Variants in PCMTD2 observed in about 807,000 individuals in gnomAD.
PCMTD2 encodes protein-L-isoaspartate (D-aspartate) O-methyltransferase domain containing 2, also known as protein-L-isoaspartate O-methyltransferase domain-containing protein 2.
PCMTD2 carries 16 observed loss-of-function variants against 33.4 expected under a neutral mutation model. The ratio of observed to expected loss-of-function variants is 0.48; its 90% CI spans 0.32 to 0.73. The LOEUF (loss-of-function observed/expected upper bound fraction) is 0.73. PCMTD2 is among the 30% of genes least tolerant of loss of function. PCMTD2 has a pLI of 0.03. For synonymous variants in PCMTD2, 161 were observed against 160.8 expected (o/e 1.00, Z -0.01); for missense variants, 374 against 449.9 (o/e 0.83, Z 1.53).
At chr20:64,273,146 G>A (rs1985973740) in intron 5 of PCMTD2, 75 bp from the exon 6 acceptor site, 9 of 1,219,664 alleles carry the variant, frequency 7.4e-6, no homozygotes, top group Admixed American at 4.7e-5. Flanking sequence ...ATGATGCTAC[G>A]GGTCTTAGGT....
At chr20:64,270,020 G>A (rs112442708) in intron 5 of PCMTD2, among the ~76,000 whole-genome samples, 4,303 of 139,240 alleles carry the variant, frequency 0.031, 99 homozygotes, top group Middle Eastern at 0.05. Context: ...AAGTTCAGGC[G>A]TGCACGGTAT....
chr20:64,272,608 T>C (rs892506535), intron 5 of PCMTD2, among the ~76,000 whole-genome samples: 2 of 152,190 alleles, frequency 1.3e-5, no homozygotes, highest in African/African-American at 4.8e-5. Context: ...CACTTGATGT[T>C]AGGAGTTTGA....
At chr20:64,264,855 A>G (rs1985591556) in intron 3 of PCMTD2, among the ~76,000 whole-genome samples, 1 of 152,244 alleles carries the variant, frequency 6.6e-6, no homozygotes, top group African/African-American at 2.4e-5. Context: ...CCATTTTAAA[A>G]GAAGGCATTA....
At chr20:64,256,570 A>G (rs981008673) in intron 1 of PCMTD2, 6 of 152,226 alleles carry the variant, frequency 3.9e-5, no homozygotes, top group Admixed American at 3.9e-4. Flanking sequence ...AACAGCTCCT[A>G]TCTGGGCGTT....
At chr20:64,272,279 G>T (rs1432799784) in intron 5 of PCMTD2, 1 of 329,926 alleles carries the variant, frequency 3.0e-6, no homozygotes, top group East Asian at 7.1e-5. Flanking sequence ...AGTGCAGACT[G>T]TTATTATTTG....
At chr20:64,257,049 A>G (rs979371204) in intron 1 of PCMTD2, 7 of 152,264 alleles carry the variant, frequency 4.6e-5, no homozygotes, top group African/African-American at 1.7e-4. Flanking sequence ...TCTGGTTTTC[A>G]AGGTGAGAAA....
At chr20:64,268,238 C>G (rs148050439) in intron 5 of PCMTD2, among the ~76,000 whole-genome samples, 1 of 132,414 alleles carries the variant, frequency 7.6e-6, no homozygotes, top group East Asian at 1.9e-4. Flanking sequence ...GAGCTGTTGC[C>G]GGTCACACCA....
chr20:64,263,606 G>A (rs945628755), intron 2 of PCMTD2, among the ~76,000 whole-genome samples: 3 of 152,216 alleles, frequency 2.0e-5, no homozygotes, highest in Non-Finnish European at 4.4e-5. Context: ...CAAGTGTGAA[G>A]TGTGAATTCT....
chr20:64,263,281 G>A (rs1410336099), intron 2 of PCMTD2, among the ~76,000 whole-genome samples: 3 of 152,154 alleles, frequency 2.0e-5, no homozygotes, highest in African/African-American at 4.8e-5. Flanking sequence ...GTATTTTGAC[G>A]AGGTAATGTT....
intron 5 of PCMTD2, among the ~76,000 whole-genome samples, chr20:64,269,451 T>G (rs1328519176): frequency 6.6e-6 from 1 of 152,190 alleles, no homozygotes; most frequent in Non-Finnish European, 1.5e-5. Context: ...AGGAGATGGC[T>G]TTGAAGAGAG....
At chr20:64,261,980 T>A (rs1166151640) in intron 2 of PCMTD2, among the ~76,000 whole-genome samples, 1 of 151,980 alleles carries the variant, frequency 6.6e-6, no homozygotes, top group Non-Finnish European at 1.5e-5. Context: ...TGGTGGGGCG[T>A]GGTGGCTCAC....
At position 64,273,918 on chromosome 20, in the gene PCMTD2, A is replaced by T. The variant is rs1986015184; in HGVS notation, c.*318A>T. ...CGAAACACTGAAGTCTGCGTAAGAG[A>T]GACTGTTTGATGACCGTCCCTCATG... On this transcript the variant is annotated 3_prime_UTR_variant, in exon 6 of 6. Coordinates refer to ENST00000308824, the MANE Select transcript of PCMTD2 (RefSeq NM_018257.3). 8.6e-6 allele frequency: 2 copies of T among 232,034 alleles called. No homozygotes were observed. Among genetic ancestry groups the T allele is most frequent in the Non-Finnish European group, 1.7e-5 (2 of 120,284 alleles). 14.4% of individuals were successfully genotyped at this position (232,034 alleles called of 1,614,324 possible).
intron 5 of PCMTD2, among the ~76,000 whole-genome samples, chr20:64,269,597 C>T (rs951277200): frequency 2.0e-5 from 3 of 152,150 alleles, no homozygotes; most frequent in African/African-American, 4.8e-5. Flanking sequence ...GAGTAGAAAA[C>T]TCTGTGAGTG....
chr20:64,270,060 TTG>T (rs1428819146), intron 5 of PCMTD2, among the ~76,000 whole-genome samples: 2 of 109,478 alleles, frequency 1.8e-5, no homozygotes, highest in African/African-American at 3.6e-5. Context: ...GCGTGGGGTC[TTG>T]TGAGTGCGGG....
intron 4 of PCMTD2, 40 bp downstream of exon 4, chr20:64,265,469 T>C (rs1228937307): frequency 6.7e-7 from 1 of 1,500,330 alleles, no homozygotes. Context: ...GCACACTGTG[T>C]GCCAAGGTCT....
At chr20:64,272,429 G>A (rs898071368) in intron 5 of PCMTD2, among the ~76,000 whole-genome samples, 1 of 152,126 alleles carries the variant, frequency 6.6e-6, no homozygotes, top group Non-Finnish European at 1.5e-5. Context: ...TGGAGTTTTT[G>A]TTTTTCCTGA....
At position 64,263,354 on chromosome 20, in the gene PCMTD2, A is replaced by G. The variant is rs118177119; in HGVS notation, c.308-1075A>G. 2.3e-3 allele frequency among the ~76,000 whole-genome samples: 348 copies of G among 152,292 alleles called. 7 individuals carry two copies. The East Asian group carries it at 0.044, about 19-fold the overall frequency. On this transcript the variant is annotated intron_variant, in intron 2 of 5. Coordinates refer to ENST00000308824, the MANE Select transcript of PCMTD2 (RefSeq NM_018257.3). ...AAGAGCAGCAGGTACAGTTGTCCAA[A>G]TGGGGGCCAGGGAAGCCTTGGCCTG...
chr20:64,270,268 T>G (rs1464386411), intron 5 of PCMTD2, among the ~76,000 whole-genome samples: 1 of 136,818 alleles, frequency 7.3e-6, no homozygotes, highest in Non-Finnish European at 1.6e-5. Flanking sequence ...TGGGCACGTG[T>G]GATGTGGGGT....
At chr20:64,267,866 C>G (rs769286322) in intron 4 of PCMTD2, 21 bp from the exon 5 acceptor site, 2 of 1,607,056 alleles carry the variant, frequency 1.2e-6, no homozygotes, top group Non-Finnish European at 1.7e-6. Context: ...TTTGAATATT[C>G]TCATTTTGTC....
Sources: gnomAD v4.1 joint callset for allele counts (sites outside exome capture counted in the v4.1 genomes callset) on GRCh38, gnomAD v4.1.1 for gene constraint, MANE v1.5 for transcripts, NCBI Gene and HGNC (gene_info 2026-07-23, HGNC 2026-07-21) for gene names.